MATR3: variants seen among roughly 807,000 people sequenced by gnomAD.
MATR3 encodes the protein matrin-3.
A neutral mutation model predicts 85.5 loss-of-function variants in MATR3; 4 were observed. The observed-to-expected ratio is 0.05, with a 90% confidence interval of 0.02 to 0.11. The LOEUF (loss-of-function observed/expected upper bound fraction) is 0.11. MATR3 is among the 10% of genes least tolerant of loss of function. MATR3 has a pLI of 1.00. For synonymous variants in MATR3, 336 were observed against 343.1 expected, an observed-to-expected ratio of 0.98 and a Z score of 0.23; for missense variants, 685 against 1,016.1, an observed-to-expected ratio of 0.67 and a Z score of 4.43.
chr5:139,275,831 A>G (rs1049202930), intron 1 of MATR3, among the ~76,000 whole-genome samples: 3 of 152,168 alleles, frequency 2.0e-5, no homozygotes, highest in Non-Finnish European at 4.4e-5. Context: ...TACAAATGAG[A>G]CTGAGGTATA....
rs1439099572 is a variant in MATR3 at position 139,330,441 on chromosome 5, A to C, written c.*1046A>C. ...TTATACATGTTTGGAATGTTAACCA[A>C]CGTATTTGTCAGTTGTGGTTTTTAT... On this transcript the variant is annotated 3_prime_UTR_variant, in exon 15 of 15. Coordinates refer to ENST00000394805, the MANE Select transcript of MATR3 (RefSeq NM_018834.6). 4 of 454,340 alleles carry C rather than the reference A, an allele frequency of 8.8e-6. No individual in the cohort carries two copies. Among genetic ancestry groups the C allele is most frequent in the Middle Eastern group, 6.8e-4 (1 of 1,466 alleles). 28.1% of individuals were successfully genotyped at this position (454,340 alleles called of 1,614,324 possible). A position where few individuals can be genotyped will look rare whatever the true frequency, so the allele number is the denominator to read the frequency against.
intron 1 of MATR3, among the ~76,000 whole-genome samples, chr5:139,303,053 T>G (rs1754533205): frequency 6.6e-6 from 1 of 152,120 alleles, no homozygotes; most frequent in South Asian, 2.1e-4. Flanking sequence ...TAGTTGTTTT[T>G]TTTTTTTTTA....
At position 139,322,954 on chromosome 5, in the gene MATR3, A is replaced by G. The variant is rs750375963; in HGVS notation, c.2135A>G (p.Lys712Arg). Residue 712 changes from lysine (K) to arginine (R), a missense_variant, in exon 12 of 15, where the codon AAA becomes AGA. Physicochemically the swap from Lys to Arg is conservative, Grantham distance 26. Around this residue, in one of 9 missense-constraint regions of MATR3, gnomAD observed 215 missense variants for 194.7 expected, o/e 1.10. Transcript: ENST00000394805. Reference sequence around the variant, plus strand: ...GGAAGTGCTTCAGCAGCAGCAAAGAAAAAGCTTAAAAAGGTAAAGAAAGAT... The same window carrying G: ...GGAAGTGCTTCAGCAGCAGCAAAGAGAAAGCTTAAAAAGGTAAAGAAAGAT... ...KDGSASAAAK[K>R]KLKKVDKIEE... The G allele has an allele frequency of 7.9e-5, 127 of 1,614,054 alleles. No individual in the cohort carries two copies. Among genetic ancestry groups the G allele is most frequent in the Non-Finnish European group, 1.0e-4 (123 of 1,180,030 alleles).
rs1581215340 is a variant in MATR3, at chr5:139,294,392, T to C, written c.-178+587T>C. 3.1e-5 allele frequency: 6 copies of C among 195,704 alleles called. No individual in the cohort carries two copies. The East Asian group carries it at 6.6e-4, about 21-fold the overall frequency. The allele number at this position is 195,704 out of a possible 1,614,324, so 12.1% of individuals were successfully genotyped here. ...AAGAGCCTGCTTGTTTGAGCAGCGTTTCTTTCTTTTCCCGGTGTCTCGGCC... is the reference window on the plus strand; with the variant it reads ...AAGAGCCTGCTTGTTTGAGCAGCGTCTCTTTCTTTTCCCGGTGTCTCGGCC... On this transcript the variant is annotated intron_variant, in intron 1 of 14. Coordinates refer to ENST00000394805, the MANE Select transcript of MATR3 (RefSeq NM_018834.6).
intron 2 of MATR3, among the ~76,000 whole-genome samples, chr5:139,309,216 C>T (rs527322571): frequency 2.0e-5 from 3 of 152,248 alleles, no homozygotes; most frequent in Admixed American, 1.3e-4. Flanking sequence ...CTCATTCTGA[C>T]TTTTTTTCCC....
upstream of MATR3, chr5:139,293,737 T>G: frequency 2.8e-6 from 1 of 361,708 alleles, no homozygotes; most frequent in Non-Finnish European, 4.9e-6. Context: ...TGCGGGGGAT[T>G]GTGGGAGTCT....
intron 5 of MATR3, 74 bp from the exon 6 acceptor site, chr5:139,316,979 A>C (rs1755280548): frequency 5.9e-6 from 7 of 1,189,138 alleles, no homozygotes; most frequent in Non-Finnish European, 7.5e-6. Context: ...TGGAAGATGC[A>C]CGTTTTTCAG....
At chr5:139,320,221 A>G (rs1164707499) in intron 9 of MATR3, among the ~76,000 whole-genome samples, 2 of 151,756 alleles carry the variant, frequency 1.3e-5, no homozygotes, top group Non-Finnish European at 2.9e-5. Context: ...AGGCAGGAGA[A>G]TGGCATGAAC....
rs1380077594 is a variant in MATR3 at position 139,326,197 on chromosome 5, C to T, written c.2406C>T (p.Tyr802=). 1.9e-6 allele frequency: 3 copies of T among 1,610,480 alleles called. No individual in the cohort carries two copies. Among genetic ancestry groups the T allele is most frequent in the Non-Finnish European group, 1.7e-6 (2 of 1,177,486 alleles). Reference sequence around the variant, plus strand: ...ATGTGATACCTAAAACAGGGTTTTACTGTAAGCTGTGTTCACTCTTTTATA... The same window carrying T: ...ATGTGATACCTAAAACAGGGTTTTATTGTAAGCTGTGTTCACTCTTTTATA... The part of the protein sequence containing the change: ...IDYVIPKTGF[Y]CKLCSLFYTN... Residue 802 remains tyrosine (Y), a synonymous_variant, in exon 14 of 15, where the codon TAC becomes TAT. Coordinates refer to ENST00000394805, the MANE Select transcript of MATR3 (RefSeq NM_018834.6).
At chr5:139,275,673 G>A (rs1474290250) in intron 1 of MATR3, among the ~76,000 whole-genome samples, 2 of 152,104 alleles carry the variant, frequency 1.3e-5, no homozygotes, top group Admixed American at 1.3e-4. Flanking sequence ...TGGTGTGCTC[G>A]CTCACGCCTG....
rs3172746 is a variant in MATR3, at chr5:139,294,274, T to G, written c.-178+469T>G. Among the ~76,000 whole-genome samples, 88,746 of 152,020 alleles carry G rather than the reference T, an allele frequency of 0.58. 27,933 individuals are homozygous for G. The highest frequency in any genetic ancestry group is 0.72 in the Non-Finnish European group (48,689 of 67,952). ...CCGTTTGAGGAGGATGGTTAAGATATCTAAGTCCTTGGGTAGCGCCAGTGC... is the reference window on the plus strand; with the variant it reads ...CCGTTTGAGGAGGATGGTTAAGATAGCTAAGTCCTTGGGTAGCGCCAGTGC... On this transcript the variant is annotated intron_variant, in intron 1 of 14. Coordinates refer to ENST00000394805, the MANE Select transcript of MATR3 (RefSeq NM_018834.6).
intron 1 of MATR3, chr5:139,295,115 T>A (rs1754076545): frequency 6.6e-6 from 1 of 152,210 alleles, no homozygotes; most frequent in Admixed American, 6.5e-5. Flanking sequence ...CAGTTGACTA[T>A]GCGGACAAAA....
At chr5:139,278,511 A>G in intron 2 of MATR3, 2 of 383,722 alleles carry the variant, frequency 5.2e-6, no homozygotes, top group Admixed American at 6.1e-5. Context: ...ATTAACCTGT[A>G]TTTGTAAGAT....
intron 1 of MATR3, among the ~76,000 whole-genome samples, chr5:139,301,062 A>G (rs965643712): frequency 6.6e-6 from 1 of 151,808 alleles, no homozygotes; most frequent in Non-Finnish European, 1.5e-5. Flanking sequence ...TGATTCTCCC[A>G]CCTCAGCTTC....
chr5:139,289,456 TAA>T (rs1753805913), upstream of MATR3, among the ~76,000 whole-genome samples: 1 of 152,336 alleles, frequency 6.6e-6, no homozygotes, highest in South Asian at 2.1e-4. Context: ...ATAAATATGA[TAA>T]AAAATACATA....
chr5:139,321,790 A>G, intron 9 of MATR3, 108 bp from the exon 10 acceptor site: 1 of 758,212 alleles, frequency 1.3e-6, no homozygotes, highest in Non-Finnish European at 2.0e-6. Flanking sequence ...CTCAAAAAAG[A>G]AAAAAAGTAA....
intron 9 of MATR3, among the ~76,000 whole-genome samples, chr5:139,320,188 T>G (rs1355527965): frequency 6.6e-6 from 1 of 150,972 alleles, no homozygotes; most frequent in Non-Finnish European, 1.5e-5. Flanking sequence ...GTGCGCCTGT[T>G]GTCCCAGCTG....
chr5:139,325,458 C>T lies in MATR3; in HGVS notation c.2167C>T (p.Leu723Phe). 1.2e-6 allele frequency: 2 copies of T among 1,614,126 alleles called. No individual in the cohort carries two copies. The highest frequency in any genetic ancestry group is 8.5e-7 in the Non-Finnish European group (1 of 1,180,052). The change falls in exon 13 of 15, where the codon CTT becomes TTT. Residue 723 changes from leucine (L) to phenylalanine (F), a missense_variant. Coordinates refer to ENST00000394805, the MANE Select transcript of MATR3 (RefSeq NM_018834.6). ...AATTAAGGTGGACAAGATCGAGGAA[C>T]TTGATCAAGAAAACGAAGCAGCGTT... The part of the protein sequence containing the change: ...KLKKVDKIEE[L>F]DQENEAALEN...
chr5:139,303,212 C>T (rs1042665722), intron 1 of MATR3, among the ~76,000 whole-genome samples: 9 of 152,166 alleles, frequency 5.9e-5, no homozygotes, highest in African/African-American at 1.4e-4. Flanking sequence ...AGTGATTCTC[C>T]GGCCTTAGCC....
Sources: allele counts gnomAD v4.1 joint callset (sites outside exome capture counted in the v4.1 genomes callset), GRCh38; gene constraint gnomAD v4.1.1; regional missense constraint gnomAD v4.1.1; transcripts MANE v1.5; gene names NCBI Gene and HGNC (gene_info 2026-07-23, HGNC 2026-07-21).